WWOX: variants seen among roughly 807,000 people sequenced by gnomAD.
WWOX encodes WW domain-containing oxidoreductase.
Under a neutral mutation model 46.2 loss-of-function variants are expected in WWOX, and 69 were observed. The ratio of observed to expected loss-of-function variants is 1.49; its 90% confidence interval spans 1.23 to 1.82. The LOEUF is 1.82. Among genes scored for constraint, WWOX ranks in the 40% most tolerant of loss-of-function variants. The pLI is 0.00. For missense variants in WWOX, 919 were observed against 542.6 expected (o/e 1.69, Z -6.89); for synonymous variants, 359 against 202.6 (o/e 1.77, Z -6.56).
intron 8 of WWOX, among the ~76,000 whole-genome samples, chr16:79,067,779 C>G (rs10871359): frequency 0.61 from 92,473 of 151,986 alleles, 30,277 homozygotes; most frequent in African/African-American, 0.87. Context: ...GTGGGTATTA[C>G]TGAGGACTTT....
chr16:78,778,739 T>C (rs2050252440), intron 8 of WWOX, among the ~76,000 whole-genome samples: 1 of 152,148 alleles, frequency 6.6e-6, no homozygotes, highest in Admixed American at 6.5e-5. Flanking sequence ...AAGACTTCTC[T>C]TGAAAAACTC....
intron 8 of WWOX, among the ~76,000 whole-genome samples, chr16:78,532,301 A>G (rs1203599129): frequency 6.6e-6 from 1 of 152,176 alleles, no homozygotes; most frequent in Non-Finnish European, 1.5e-5. Context: ...CCATTTTGGC[A>G]ACAGATGACT....
intron 4 of WWOX, among the ~76,000 whole-genome samples, chr16:78,132,595 A>G (rs74784775): frequency 0.02 from 3,055 of 152,252 alleles, 116 homozygotes; most frequent in African/African-American, 0.07. Flanking sequence ...TAACCTGAGC[A>G]GTTTATGTAC....
At chr16:79,195,027 C>T (rs903527366) in intron 8 of WWOX, among the ~76,000 whole-genome samples, 1 of 152,106 alleles carries the variant, frequency 6.6e-6, no homozygotes. Flanking sequence ...TATGCCTGTT[C>T]CATATGAGAA....
chr16:78,366,473 C>T (rs1302417716), intron 5 of WWOX, among the ~76,000 whole-genome samples: 1 of 152,160 alleles, frequency 6.6e-6, no homozygotes, highest in African/African-American at 2.4e-5. Context: ...CTCCTGCATT[C>T]ATTGGAACCT....
chr16:78,384,013 C>T (rs772972734), intron 5 of WWOX, among the ~76,000 whole-genome samples: 1 of 152,128 alleles, frequency 6.6e-6, no homozygotes, highest in Non-Finnish European at 1.5e-5. Context: ...TTGTAAGTTA[C>T]TTACAGAGAA....
chr16:78,538,976 C>G (rs2043823977), intron 8 of WWOX, among the ~76,000 whole-genome samples: 1 of 152,328 alleles, frequency 6.6e-6, no homozygotes, highest in African/African-American at 2.4e-5. Flanking sequence ...AAGCAATGCC[C>G]TTTCACAGCT....
chr16:78,242,673 C>G (rs1283033846), intron 5 of WWOX, among the ~76,000 whole-genome samples: 7 of 152,082 alleles, frequency 4.6e-5, no homozygotes, highest in Non-Finnish European at 7.3e-5. Flanking sequence ...GAACCCATGG[C>G]TAATAGGGGA....
At chr16:78,416,338 C>T (rs568241589) in intron 6 of WWOX, among the ~76,000 whole-genome samples, 3 of 152,280 alleles carry the variant, frequency 2.0e-5, no homozygotes, top group Non-Finnish European at 2.9e-5. Flanking sequence ...TAATTCTTTT[C>T]CTTTTGTACA....
chr16:78,603,244 T>C (rs963786618), intron 8 of WWOX, among the ~76,000 whole-genome samples: 5 of 152,182 alleles, frequency 3.3e-5, no homozygotes, highest in African/African-American at 9.7e-5. Flanking sequence ...AGGCATTGGA[T>C]GCTCATAGTT....
chr16:78,874,507 C>T (rs926179065), intron 8 of WWOX, among the ~76,000 whole-genome samples: 12 of 151,904 alleles, frequency 7.9e-5, no homozygotes, highest in Middle Eastern at 3.2e-3. Context: ...GGTGCCTGGC[C>T]AGGGCTCACT....
chr16:78,395,053 C>G (rs1430449420), intron 6 of WWOX, among the ~76,000 whole-genome samples: 5 of 152,182 alleles, frequency 3.3e-5, no homozygotes, highest in African/African-American at 1.2e-4. Flanking sequence ...CTTTATGGAG[C>G]CTGGGGCTAT....
At chr16:79,064,728 A>G (rs1409388957) in intron 8 of WWOX, among the ~76,000 whole-genome samples, 4 of 152,220 alleles carry the variant, frequency 2.6e-5, no homozygotes, top group Non-Finnish European at 4.4e-5. Flanking sequence ...TGTACAATTC[A>G]TGGGCTACTA....
At chr16:78,971,232 G>A (rs117528259) in intron 8 of WWOX, among the ~76,000 whole-genome samples, 1,646 of 151,978 alleles carry the variant, frequency 0.011, 21 homozygotes, top group East Asian at 0.045. Flanking sequence ...AGGCTGAGGC[G>A]GGAAGATCAC....
At chr16:78,460,699 C>T (rs2083928532) in intron 8 of WWOX, among the ~76,000 whole-genome samples, 1 of 152,180 alleles carries the variant, frequency 6.6e-6, no homozygotes, top group African/African-American at 2.4e-5. Context: ...AAAGAGTAGA[C>T]TTGACCACTT....
chr16:78,107,114 CATCTT>C lies in WWOX; in HGVS notation c.108-1305_108-1301del, dbSNP rs150768670. Among the ~76,000 whole-genome samples, 1,002 of 152,316 alleles carry C rather than the reference CATCTT, an allele frequency of 6.6e-3. 7 individuals are homozygous for C. Among genetic ancestry groups the C allele is most frequent in the African/African-American group, 0.022 (914 of 41,564 alleles). On this transcript the variant is annotated intron_variant, in intron 1 of 8. Transcript: ENST00000566780. ...ATAATTGATAGGGAAAGAATGTTCA[CATCTT>C]ATCATCTAGATGTTGCTGATTAAAT...
At chr16:78,534,042 T>C (rs967322739) in intron 8 of WWOX, among the ~76,000 whole-genome samples, 1 of 152,166 alleles carries the variant, frequency 6.6e-6, no homozygotes, top group African/African-American at 2.4e-5. Context: ...CTCAGAAAAA[T>C]GGATATAAAC....
chr16:79,099,200 C>T (rs1056836445), intron 8 of WWOX, among the ~76,000 whole-genome samples: 42 of 152,220 alleles, frequency 2.8e-4, no homozygotes, highest in Admixed American at 7.2e-4. Context: ...ATGAGGGATC[C>T]GTCCCCATGA....
intron 8 of WWOX, among the ~76,000 whole-genome samples, chr16:79,126,952 C>T (rs528563482): frequency 6.6e-6 from 1 of 151,836 alleles, no homozygotes; most frequent in South Asian, 2.1e-4. Flanking sequence ...TCACAGTTGC[C>T]TAGAGAAGAC....
Sources: gnomAD v4.1 joint callset for allele counts (sites outside exome capture counted in the v4.1 genomes callset) on GRCh38, gnomAD v4.1.1 for gene constraint, MANE v1.5 for transcripts, NCBI Gene and HGNC (gene_info 2026-07-23, HGNC 2026-07-21) for gene names.